SLC24A2: variants seen among roughly 807,000 people sequenced by gnomAD.
SLC24A2 encodes solute carrier family 24 member 2, also known as sodium/potassium/calcium exchanger 2.
SLC24A2 carries 36 observed loss-of-function variants against 62.0 expected under a neutral mutation model. The ratio of observed to expected loss-of-function variants is 0.58; its 90% CI spans 0.44 to 0.77. The LOEUF (loss-of-function observed/expected upper bound fraction) is 0.77, where lower values mean the gene tolerates loss of function less well. SLC24A2 is among the 30% of genes least tolerant of loss of function. The pLI is 0.00. For synonymous variants in SLC24A2, 358 were observed against 294.0 expected (o/e 1.22, Z -2.23); for missense variants, 846 against 817.9 (o/e 1.03, Z -0.42).
At chr9:20,298,299 G>A in the SLC24A2 span, among the ~76,000 whole-genome samples, 4 of 152,098 alleles carry the variant, frequency 2.6e-5, no homozygotes, top group East Asian at 3.8e-4. Context: ...GAGCTATCTC[G>A]GCTCACTGTA....
chr9:20,306,417 T>C, the SLC24A2 span, among the ~76,000 whole-genome samples: 1 of 152,262 alleles, frequency 6.6e-6, no homozygotes, highest in Non-Finnish European at 1.5e-5. Context: ...TGAGCCTTTA[T>C]ATAGCTGTCT....
chr9:19,662,478 T>C (rs1424583463), intron 2 of SLC24A2, among the ~76,000 whole-genome samples: 4 of 152,300 alleles, frequency 2.6e-5, no homozygotes, highest in Middle Eastern at 6.8e-3. Flanking sequence ...CCTACTTACA[T>C]TTATCTCTGT....
chr9:19,636,381 T>C lies in SLC24A2; in HGVS notation c.931-14082A>G, dbSNP rs1256664056. Among the ~76,000 whole-genome samples, 90 of 16,252 alleles carry C rather than the reference T, an allele frequency of 5.5e-3. 5 individuals carry two copies. Among genetic ancestry groups the C allele is most frequent in the South Asian group, 0.027 (8 of 300 alleles). The allele number at this position is 16,252 out of a possible 152,430, so 10.7% of individuals were successfully genotyped here. On this transcript the variant is annotated intron_variant, in intron 2 of 10. Transcript: ENST00000341998. ...TTTCTTTCTTTCTTTCTTTCTTTCT[T>C]TCTTTCTCCCTCTCTCTCTCTCTCT...
chr9:20,160,049 C>A, the SLC24A2 span, among the ~76,000 whole-genome samples: 1 of 151,218 alleles, frequency 6.6e-6, no homozygotes, highest in Non-Finnish European at 1.5e-5. Flanking sequence ...ACATAAGACT[C>A]ACACCTAAAA....
chr9:19,530,102 CT>C (rs1833630816), intron 8 of SLC24A2, among the ~76,000 whole-genome samples: 1 of 127,694 alleles, frequency 7.8e-6, no homozygotes, highest in Admixed American at 8.6e-5. Context: ...TTTTTTTAAG[CT>C]AGGAAATCAG....
At chr9:19,570,147 T>C (rs574250768) in intron 7 of SLC24A2, among the ~76,000 whole-genome samples, 25 of 152,242 alleles carry the variant, frequency 1.6e-4, no homozygotes, top group Non-Finnish European at 3.2e-4. Context: ...CAAAATTTTC[T>C]GATTAGATAA....
the SLC24A2 span, among the ~76,000 whole-genome samples, chr9:20,243,727 CA>C: frequency 6.6e-6 from 1 of 152,084 alleles, no homozygotes; most frequent in Non-Finnish European, 1.5e-5. Flanking sequence ...GAAAGCAGAG[CA>C]AATGAGATGT....
the SLC24A2 span, among the ~76,000 whole-genome samples, chr9:20,035,032 T>C: frequency 6.6e-6 from 1 of 152,068 alleles, no homozygotes; most frequent in African/African-American, 2.4e-5. Context: ...ATGAAAAATA[T>C]ATATATACTA....
chr9:19,772,743 C>A (rs965205303), intron 2 of SLC24A2, among the ~76,000 whole-genome samples: 1 of 152,146 alleles, frequency 6.6e-6, no homozygotes, highest in East Asian at 1.9e-4. Context: ...CTCATACACA[C>A]AGGAAAGCAA....
chr9:20,302,910 C>G, the SLC24A2 span, among the ~76,000 whole-genome samples: 1 of 152,156 alleles, frequency 6.6e-6, no homozygotes, highest in Non-Finnish European at 1.5e-5. Flanking sequence ...AATGCAATGA[C>G]AGCATATTGA....
intron 2 of SLC24A2, among the ~76,000 whole-genome samples, chr9:19,628,227 G>T (rs1425343641): frequency 6.6e-6 from 1 of 152,154 alleles, no homozygotes; most frequent in East Asian, 1.9e-4. Flanking sequence ...GTGCTTCTGG[G>T]TCAGTTACCA....
intron 2 of SLC24A2, among the ~76,000 whole-genome samples, chr9:19,776,437 A>G (rs1822848733): frequency 6.6e-6 from 1 of 152,208 alleles, no homozygotes; most frequent in South Asian, 2.1e-4. Context: ...GGTATTAAGC[A>G]CTGCCTACTT....
chr9:19,860,718 G>A, the SLC24A2 span, among the ~76,000 whole-genome samples: 246 of 152,194 alleles, frequency 1.6e-3, 1 homozygote, highest in African/African-American at 5.0e-3. Context: ...CACAGTCCCC[G>A]ATGGGTGAGT....
At chr9:19,642,826 G>A (rs1009910719) in intron 2 of SLC24A2, among the ~76,000 whole-genome samples, 1,932 of 150,280 alleles carry the variant, frequency 0.013, 53 homozygotes, top group African/African-American at 0.045. Context: ...GACTACAGGC[G>A]CCCGCCACTG....
rs768348424 is a variant in SLC24A2 at position 19,509,332 on chromosome 9, A to G, written c.*6821T>C. On this transcript the variant is annotated 3_prime_UTR_variant, in exon 11 of 11. Transcript: ENST00000341998. The stretch of plus-strand genomic sequence containing the variant: ...AACAGTTTTATTAAAGCACACATCT[A>G]AAATGTATAAGTAGATTAGGATTGC... The G allele has an allele frequency of 1.1e-4, 17 of 152,208 alleles. No individual in the cohort carries two copies. Among genetic ancestry groups the G allele is most frequent in the Admixed American group, 1.0e-3 (16 of 15,278 alleles). The allele number at this position is 152,208 out of a possible 1,614,324, so 9.4% of individuals were successfully genotyped here. A position where few individuals can be genotyped will look rare whatever the true frequency, so the allele number is the denominator to read the frequency against.
At chr9:20,181,364 C>A in the SLC24A2 span, among the ~76,000 whole-genome samples, 1 of 152,120 alleles carries the variant, frequency 6.6e-6, no homozygotes, top group African/African-American at 2.4e-5. Flanking sequence ...CATAAAGAAG[C>A]GTGGTAGATG....
At chr9:19,671,568 C>T (rs923184319) in intron 2 of SLC24A2, among the ~76,000 whole-genome samples, 3 of 152,142 alleles carry the variant, frequency 2.0e-5, no homozygotes, top group Non-Finnish European at 2.9e-5. Context: ...TCTGATTGCT[C>T]TGGCTAGGTC....
intron 6 of SLC24A2, among the ~76,000 whole-genome samples, chr9:19,573,902 T>G (rs373104262): frequency 6.6e-6 from 1 of 152,216 alleles, no homozygotes; most frequent in African/African-American, 2.4e-5. Flanking sequence ...TACTATTGTT[T>G]ACACCCTGGA....
At chr9:20,225,110 A>G in the SLC24A2 span, among the ~76,000 whole-genome samples, 59 of 152,196 alleles carry the variant, frequency 3.9e-4, no homozygotes, top group African/African-American at 1.4e-3. Flanking sequence ...TCCCTAGCAC[A>G]AGAAAGTCTG....
Sources: gnomAD v4.1 joint callset for allele counts (sites outside exome capture counted in the v4.1 genomes callset) on GRCh38, gnomAD v4.1.1 for gene constraint, MANE v1.5 for transcripts, NCBI Gene and HGNC (gene_info 2026-07-23, HGNC 2026-07-21) for gene names.